RAP1A: variants seen among roughly 807,000 people sequenced by gnomAD.
RAP1A encodes RAP1A, member of RAS oncogene family.
RAP1A carries 6 observed loss-of-function variants against 26.4 expected under a neutral mutation model. The observed-to-expected ratio is 0.23, with a 90% CI of 0.12 to 0.45. The LOEUF (loss-of-function observed/expected upper bound fraction) is 0.45. RAP1A is among the 20% of genes least tolerant of loss of function. The pLI, the probability that RAP1A is intolerant of heterozygous loss-of-function variation, is 0.99. For missense variants in RAP1A, 121 were observed against 217.2 expected (o/e 0.56, Z 2.78); for synonymous variants, 73 against 79.4 (o/e 0.92, Z 0.43).
At chr1:111,544,034 A>G (rs1032746623) in intron 1 of RAP1A, among the ~76,000 whole-genome samples, 6 of 152,216 alleles carry the variant, frequency 3.9e-5, no homozygotes, top group Admixed American at 3.3e-4. Context: ...CATAGTTTCC[A>G]ATCAAATGTA....
At position 111,553,243 on chromosome 1, in the gene RAP1A, A is replaced by G. The variant is rs533129694; in HGVS notation, c.-28+10734A>G. Among the ~76,000 whole-genome samples the G allele has an allele frequency of 9.2e-5, 14 of 152,384 alleles. No individual in the cohort carries two copies. In the South Asian group the frequency reaches 1.0e-3, roughly 11 times the overall value. On this transcript the variant is annotated intron_variant, in intron 1 of 7. Transcript: ENST00000356415. ...TCTTTCTCCAAGGCAAAGGCCAGGC[A>G]GGTATGCACACATTCCATTATAGAA...
chr1:111,712,961 G>T lies in RAP1A; in HGVS notation c.*560G>T, dbSNP rs1449327554. The stretch of plus-strand genomic sequence containing the variant: ...TGTGCATAATGCTTTGGAAAAATGG[G>T]TCTTTTATAGGAAAAAAACTGGGAT... On this transcript the variant is annotated 3_prime_UTR_variant, in exon 8 of 8. Coordinates refer to ENST00000369709, the MANE Select transcript of RAP1A (RefSeq NM_002884.4). 3 of 152,334 alleles carry T rather than the reference G, an allele frequency of 2.0e-5. No homozygotes were observed. Among genetic ancestry groups the T allele is most frequent in the East Asian group, 3.8e-4 (2 of 5,196 alleles). 9.4% of individuals were successfully genotyped at this position (152,334 alleles called of 1,614,324 possible).
chr1:111,564,888 T>A (rs78706758), intron 1 of RAP1A, among the ~76,000 whole-genome samples: 1 of 151,972 alleles, frequency 6.6e-6, no homozygotes. Context: ...AAGCCCCCCA[T>A]GCTTGCTATC....
chr1:111,575,716 G>A (rs1303523333), intron 1 of RAP1A, among the ~76,000 whole-genome samples: 1 of 152,134 alleles, frequency 6.6e-6, no homozygotes, highest in East Asian at 1.9e-4. Context: ...ACAGAGAGAG[G>A]CCTTAGGAGA....
chr1:111,704,548 C>T, intron 6 of RAP1A, 62 bp downstream of exon 6: 3 of 1,466,408 alleles, frequency 2.0e-6, no homozygotes, highest in South Asian at 2.8e-5. Context: ...AAGTTAACAG[C>T]CAGACTTTTA....
At chr1:111,671,019 T>G (rs928131919) in intron 1 of RAP1A, among the ~76,000 whole-genome samples, 8 of 152,270 alleles carry the variant, frequency 5.3e-5, no homozygotes, top group Non-Finnish European at 1.2e-4. Context: ...TACTAAAGAT[T>G]GTGGTAAAGA....
intron 1 of RAP1A, among the ~76,000 whole-genome samples, chr1:111,607,501 T>A (rs1433856232): frequency 6.6e-6 from 1 of 152,198 alleles, no homozygotes; most frequent in Non-Finnish European, 1.5e-5. Context: ...ATTGTCATCA[T>A]GGCCCGTTCT....
At chr1:111,586,324 A>G (rs1165339512) in intron 1 of RAP1A, among the ~76,000 whole-genome samples, 6 of 152,226 alleles carry the variant, frequency 3.9e-5, no homozygotes, top group African/African-American at 1.4e-4. Flanking sequence ...CAGGACAACT[A>G]CATCATGGCT....
At chr1:111,557,442 C>T (rs111662161) in intron 1 of RAP1A, among the ~76,000 whole-genome samples, 16,034 of 151,450 alleles carry the variant, frequency 0.11, 2,158 homozygotes, top group African/African-American at 0.31. Flanking sequence ...CCCAGCTACT[C>T]GGGAGGCTGA....
intron 1 of RAP1A, among the ~76,000 whole-genome samples, chr1:111,559,189 A>G (rs1657632571): frequency 6.6e-6 from 1 of 152,218 alleles, no homozygotes; most frequent in Non-Finnish European, 1.5e-5. Flanking sequence ...ACTAGTATTT[A>G]GAGGGAAATG....
chr1:111,613,980 A>G (rs900710996), intron 1 of RAP1A, among the ~76,000 whole-genome samples: 1 of 152,218 alleles, frequency 6.6e-6, no homozygotes, highest in Non-Finnish European at 1.5e-5. Context: ...TATTCCCGAA[A>G]CATTTACTAA....
In RAP1A at chr1:111,551,355, C is replaced by T. The variant is rs367610469; in HGVS notation, c.-28+8846C>T. On this transcript the variant is annotated intron_variant, in intron 1 of 7. Coordinates refer to the RAP1A transcript ENST00000356415. ...TAGTTTCTTCTGTGTTAAATAGACA[C>T]TTTTCTAGGGGGCCACTTTAATTCC... Among the ~76,000 whole-genome samples the T allele has an allele frequency of 9.2e-5, 14 of 152,278 alleles. No individual in the cohort carries two copies. In the South Asian group the frequency reaches 2.9e-3, roughly 32 times the overall value.
In RAP1A at chr1:111,716,595, G is replaced by GTATTTAAGAACT. The variant is rs1662546862; in HGVS notation, c.*4194_*4195insTATTTAAGAACT. The stretch of plus-strand genomic sequence containing the variant: ...CGGCCTCCTGTGGTTCTGGGCCCAA[G>GTATTTAAGAACT]GTGTGACATACATTTCCCACTAATT... On this transcript the variant is annotated 3_prime_UTR_variant, in exon 8 of 8. Transcript: ENST00000369709. 2.6e-5 allele frequency: 4 copies of GTATTTAAGAACT among 152,152 alleles called. No individual in the cohort carries two copies. Among genetic ancestry groups the GTATTTAAGAACT allele is most frequent in the Non-Finnish European group, 2.9e-5 (2 of 68,028 alleles). The allele number at this position is 152,152 out of a possible 1,614,324, so 9.4% of individuals were successfully genotyped here. A position where few individuals can be genotyped will look rare whatever the true frequency, so the allele number is the denominator to read the frequency against.
chr1:111,655,284 A>G (rs1010861876), intron 1 of RAP1A, among the ~76,000 whole-genome samples: 3 of 152,012 alleles, frequency 2.0e-5, no homozygotes, highest in African/African-American at 7.2e-5. Context: ...AAAACAACAG[A>G]AATTAACTTG....
At chr1:111,621,013 AC>A (rs1659187035) in intron 1 of RAP1A, among the ~76,000 whole-genome samples, 1 of 152,164 alleles carries the variant, frequency 6.6e-6, no homozygotes, top group African/African-American at 2.4e-5. Flanking sequence ...TCATTTTGTT[AC>A]TTCTTTGAAG....
At chr1:111,642,931 G>A (rs1370820568) in intron 1 of RAP1A, among the ~76,000 whole-genome samples, 2 of 151,632 alleles carry the variant, frequency 1.3e-5, no homozygotes, top group African/African-American at 2.4e-5. Context: ...CACCACACCC[G>A]GCTAATTTTT....
intron 1 of RAP1A, among the ~76,000 whole-genome samples, chr1:111,609,794 C>G (rs1298054162): frequency 7.9e-5 from 12 of 152,082 alleles, no homozygotes; most frequent in Non-Finnish European, 1.5e-5. Context: ...CACCACCATA[C>G]CCGGCTAATT....
At chr1:111,580,172 T>A (rs1658227661) in intron 1 of RAP1A, among the ~76,000 whole-genome samples, 1 of 152,244 alleles carries the variant, frequency 6.6e-6, no homozygotes, top group Admixed American at 6.5e-5. Flanking sequence ...TGGTTTCTAC[T>A]GAATGTGTAT....
At chr1:111,669,390 T>C (rs1192341390) in intron 1 of RAP1A, among the ~76,000 whole-genome samples, 1 of 152,238 alleles carries the variant, frequency 6.6e-6, no homozygotes, top group African/African-American at 2.4e-5. Context: ...GTGTAACTTC[T>C]AGATCATGCC....
Sources: allele counts gnomAD v4.1 joint callset (sites outside exome capture counted in the v4.1 genomes callset), GRCh38; gene constraint gnomAD v4.1.1; transcripts MANE v1.5; gene names NCBI Gene and HGNC (gene_info 2026-07-23, HGNC 2026-07-21).